MGA: variants seen among roughly 807,000 people sequenced by gnomAD.
The protein encoded by MGA is MAX dimerization protein MGA, also known as MAX gene-associated protein.
In MGA, 40 loss-of-function variants were observed where a neutral mutation model predicts 261.1. The ratio of observed to expected loss-of-function variants is 0.15; its 90% CI spans 0.12 to 0.20. MGA has a LOEUF of 0.20. MGA is among the 10% of genes least tolerant of loss of function. The pLI is 1.00. For synonymous variants in MGA, 1,302 were observed against 1,290.6 expected (o/e 1.01, Z -0.19); for missense variants, 3,397 against 3,630.5 (o/e 0.94, Z 1.65).
intron 1 of MGA, among the ~76,000 whole-genome samples, chr15:41,662,702 A>G (rs1268051207): frequency 3.9e-5 from 6 of 152,202 alleles, no homozygotes; most frequent in Non-Finnish European, 7.3e-5. Context: ...AGAAACTTAA[A>G]ATTTCTTGAC....
At chr15:41,663,833 G>C (rs2057565479) in intron 1 of MGA, among the ~76,000 whole-genome samples, 1 of 152,046 alleles carries the variant, frequency 6.6e-6, no homozygotes, top group Admixed American at 6.6e-5. Flanking sequence ...CTTTAGAGTG[G>C]TCTTGGTGTG....
intron 5 of MGA, among the ~76,000 whole-genome samples, chr15:41,706,004 C>T (rs541928215): frequency 3.3e-5 from 5 of 151,910 alleles, no homozygotes; most frequent in East Asian, 3.9e-4. Context: ...TTTGGGAGGC[C>T]GAGGCGGGCG....
intron 10 of MGA, among the ~76,000 whole-genome samples, chr15:41,728,534 C>G (rs950882153): frequency 7.2e-5 from 11 of 151,946 alleles, no homozygotes; most frequent in Non-Finnish European, 1.6e-4. Flanking sequence ...ATAAAATGAG[C>G]TATAGAAAAG....
Position 41,749,643 on chromosome 15 carries a change from A to C in MGA, c.6036A>C (p.Ser2012=), listed in dbSNP as rs757341148. The change falls in exon 17 of 24, where the codon TCA becomes TCC. Residue 2012 remains serine (S), a synonymous_variant. Coordinates refer to ENST00000219905, the MANE Select transcript of MGA (RefSeq NM_001164273.2). The stretch of plus-strand genomic sequence containing the variant: ...AGGCTAATGTAATAAAACAAAACTC[A>C]GGAGCTGCTACCTCAGAAGAAACTC... 1 of 1,614,022 alleles carries C rather than the reference A, an allele frequency of 6.2e-7. No individual in the cohort carries two copies. The highest frequency in any genetic ancestry group is 1.1e-5 in the South Asian group (1 of 91,088).
At chr15:41,665,390 T>C (rs1477069072) in intron 1 of MGA, among the ~76,000 whole-genome samples, 1 of 151,848 alleles carries the variant, frequency 6.6e-6, no homozygotes, top group Non-Finnish European at 1.5e-5. Context: ...GATTTCGTTT[T>C]GGTTTTTTTT....
chr15:41,717,389 A>G (rs2060698656), intron 9 of MGA, among the ~76,000 whole-genome samples: 2 of 152,234 alleles, frequency 1.3e-5, no homozygotes, highest in Admixed American at 1.3e-4. Context: ...TAAAATTGAT[A>G]CTTGTAGCCA....
chr15:41,675,133 C>A (rs1173407973), intron 2 of MGA, among the ~76,000 whole-genome samples: 1 of 152,142 alleles, frequency 6.6e-6, no homozygotes, highest in East Asian at 1.9e-4. Context: ...TGGACATACG[C>A]ACTAGTTTCT....
chr15:41,697,291 C>G (rs1311046412), intron 3 of MGA, among the ~76,000 whole-genome samples: 1 of 152,000 alleles, frequency 6.6e-6, no homozygotes, highest in African/African-American at 2.4e-5. Flanking sequence ...TAAAAAAAGT[C>G]TTCGGGTCTT....
chr15:41,666,290 C>T (rs570390627), intron 1 of MGA, among the ~76,000 whole-genome samples: 1 of 152,334 alleles, frequency 6.6e-6, no homozygotes, highest in East Asian at 1.9e-4. Context: ...ATCAAGTTTT[C>T]CTTGGATATG....
chr15:41,743,222 T>C, intron 15 of MGA, 50 bp downstream of exon 15: 1 of 1,509,414 alleles, frequency 6.6e-7, no homozygotes, highest in Non-Finnish European at 8.9e-7. Context: ...CACCTATTTA[T>C]ATAACTTTGT....
rs2060474880 is a variant in MGA at position 41,713,332 on chromosome 15, T to G, written c.3266T>G (p.Leu1089Arg). Residue 1089 changes from leucine (L) to arginine (R), a missense_variant, in exon 9 of 24, where the codon CTT (leucine) becomes CGT (arginine). Leu to Arg is a moderately radical substitution (Grantham distance 102). This residue lies in a region of MGA where 519 missense variants were observed against 554.1 expected (regional missense o/e 0.94). Transcript: ENST00000219905. Reference sequence around the variant, plus strand: ...ACTTGTTTGAAAAGAAAAGTTGTACTTGTTAAAGGAGGATCCAAAACTAAG... The same window carrying G: ...ACTTGTTTGAAAAGAAAAGTTGTACGTGTTAAAGGAGGATCCAAAACTAAG... 6.2e-7 allele frequency: 1 copy of G among 1,613,924 alleles called. No individual in the cohort carries two copies. The highest frequency in any genetic ancestry group is 2.2e-5 in the East Asian group (1 of 44,878).
intron 9 of MGA, among the ~76,000 whole-genome samples, chr15:41,722,122 A>ATTTTTTTTTTTTTTTTTTTTTTTTTT (rs35690314): frequency 1.1e-5 from 1 of 87,738 alleles, no homozygotes; most frequent in African/African-American, 4.8e-5. Context: ...AAGTAGGCCA[A>ATTTTTTTTTTTTTTTTTTTTTTTTTT]TTTTTTTTTT....
intron 13 of MGA, among the ~76,000 whole-genome samples, chr15:41,737,009 G>C (rs1050397317): frequency 2.0e-5 from 3 of 152,028 alleles, no homozygotes; most frequent in African/African-American, 7.3e-5. Context: ...ATAAAGCAAG[G>C]GTAATCAGGG....
chr15:41,745,798 G>A (rs929966026), intron 15 of MGA, among the ~76,000 whole-genome samples: 2 of 152,074 alleles, frequency 1.3e-5, no homozygotes, highest in African/African-American at 4.8e-5. Flanking sequence ...TAGAGGCGAG[G>A]TCTCGCTGTG....
rs895823487 is a variant in MGA, at chr15:41,640,667, C to T, written c.-68+19369C>T. Among the ~76,000 whole-genome samples the T allele has an allele frequency of 2.6e-5, 4 of 152,182 alleles. No individual in the cohort carries two copies. In the South Asian group the frequency reaches 6.2e-4, roughly 24 times the overall value. ...CCAAGTAGCTGGGATTACAGGCATA[C>T]GCCACCACATCCAGCTAATTTTTGT... On this transcript the variant is annotated intron_variant, in intron 1 of 8. Coordinates refer to the MGA transcript ENST00000566718.
intron 2 of MGA, among the ~76,000 whole-genome samples, chr15:41,682,312 A>G (rs115905497): frequency 6.6e-5 from 10 of 152,102 alleles, no homozygotes; most frequent in African/African-American, 2.2e-4. Flanking sequence ...TATTGAAAGT[A>G]AATTTTTGTG....
chr15:41,699,761 A>G (rs772388691), intron 5 of MGA, among the ~76,000 whole-genome samples: 5 of 152,078 alleles, frequency 3.3e-5, no homozygotes, highest in East Asian at 1.9e-4. Context: ...CGGCCTCCCA[A>G]TTATGTGTTT....
intron 2 of MGA, among the ~76,000 whole-genome samples, chr15:41,689,880 T>C (rs2059176164): frequency 6.6e-6 from 1 of 152,218 alleles, no homozygotes; most frequent in Non-Finnish European, 1.5e-5. Context: ...GAACTTCCTT[T>C]AATAGTTATT....
At chr15:41,716,491 G>T (rs1171260262) in intron 9 of MGA, among the ~76,000 whole-genome samples, 1 of 151,906 alleles carries the variant, frequency 6.6e-6, no homozygotes, top group African/African-American at 2.4e-5. Context: ...TGATATTTTT[G>T]TTAACAACTG....
Sources: gnomAD v4.1 joint callset for allele counts (sites outside exome capture counted in the v4.1 genomes callset) on GRCh38, gnomAD v4.1.1 for gene constraint, gnomAD v4.1.1 regional missense constraint, MANE v1.5 for transcripts, NCBI Gene and HGNC (gene_info 2026-07-23, HGNC 2026-07-21) for gene names.